SLC29A3: variants seen among roughly 807,000 people sequenced by gnomAD.
SLC29A3 encodes solute carrier family 29 member 3.
A neutral mutation model predicts 25.4 loss-of-function variants in SLC29A3; 18 were observed. The observed-to-expected ratio is 0.71, with a 90% CI of 0.49 to 1.05. The LOEUF (loss-of-function observed/expected upper bound fraction) is 1.05. Among genes scored for constraint, SLC29A3 ranks in the 50% least tolerant of loss-of-function variants. The pLI is 0.00. For synonymous variants in SLC29A3, 258 were observed against 267.1 expected (o/e 0.97, Z 0.33); for missense variants, 586 against 609.0 (o/e 0.96, Z 0.40).
intron 4 of SLC29A3, among the ~76,000 whole-genome samples, chr10:71,378,109 C>G (rs1300288205): frequency 6.7e-6 from 1 of 148,836 alleles, no homozygotes; most frequent in African/African-American, 2.5e-5. Context: ...GGGGGGGGTC[C>G]TCTTTTGGAA....
chr10:71,322,035 A>T (rs884681), intron 1 of SLC29A3, among the ~76,000 whole-genome samples: 67,197 of 152,062 alleles, frequency 0.44, 15,299 homozygotes, highest in African/African-American at 0.55. Flanking sequence ...GAATTTTTTT[A>T]AATTTACACT....
At chr10:71,336,063 G>A (rs1283704198) in intron 2 of SLC29A3, among the ~76,000 whole-genome samples, 1 of 152,178 alleles carries the variant, frequency 6.6e-6, no homozygotes, top group Non-Finnish European at 1.5e-5. Flanking sequence ...CCACAAACTG[G>A]GTAGCTGAAA....
intron 2 of SLC29A3, among the ~76,000 whole-genome samples, chr10:71,335,910 C>T (rs1054410380): frequency 1.3e-5 from 2 of 151,936 alleles, no homozygotes; most frequent in Non-Finnish European, 2.9e-5. Context: ...TCAGGGGGCA[C>T]CTTGGGATGG....
intron 2 of SLC29A3, among the ~76,000 whole-genome samples, chr10:71,332,871 AT>A (rs1228545512): frequency 1.3e-5 from 2 of 152,332 alleles, no homozygotes; most frequent in Non-Finnish European, 2.9e-5. Flanking sequence ...GCTGTCAGTC[AT>A]GCCTTTGGTG....
intron 2 of SLC29A3, among the ~76,000 whole-genome samples, chr10:71,332,745 A>G (rs1846150106): frequency 1.3e-5 from 2 of 152,222 alleles, no homozygotes; most frequent in African/African-American, 4.8e-5. Flanking sequence ...CTCTGATTCT[A>G]ACTGCGGGCC....
At chr10:71,333,557 C>T (rs921754431) in intron 2 of SLC29A3, among the ~76,000 whole-genome samples, 1 of 152,230 alleles carries the variant, frequency 6.6e-6, no homozygotes, top group African/African-American at 2.4e-5. Context: ...GCTGGAGCAC[C>T]CCCAGACCAC....
exon 5 of SLC29A3, chr10:71,380,964 T>A (rs1847298262): frequency 6.6e-6 from 1 of 152,210 alleles, no homozygotes; most frequent in Non-Finnish European, 1.5e-5. Flanking sequence ...TCCATATACC[T>A]ATCACCCAGC....
chr10:71,372,930 C>G (rs186477623), intron 3 of SLC29A3, among the ~76,000 whole-genome samples: 4 of 152,226 alleles, frequency 2.6e-5, no homozygotes, highest in Admixed American at 2.6e-4. Context: ...GGGGGCGAGA[C>G]AGTGAGGCTG....
chr10:71,337,397 G>A (rs1007759281), intron 2 of SLC29A3, among the ~76,000 whole-genome samples: 5 of 152,240 alleles, frequency 3.3e-5, no homozygotes, highest in African/African-American at 4.8e-5. Flanking sequence ...TCCGAAAGCG[G>A]CAAGTTTGCA....
At chr10:71,367,562 A>G (rs963164948), downstream of SLC29A3, among the ~76,000 whole-genome samples, 1 of 152,212 alleles carries the variant, frequency 6.6e-6, no homozygotes, top group East Asian at 1.9e-4. Context: ...CAGGCAACTC[A>G]GGGCACAGTG....
intron 3 of SLC29A3, among the ~76,000 whole-genome samples, chr10:71,372,855 C>T (rs1303782334): frequency 6.6e-6 from 1 of 152,172 alleles, no homozygotes; most frequent in Non-Finnish European, 1.5e-5. Context: ...TTGTGTCTTT[C>T]CCACCTGCTC....
chr10:71,369,476 T>C (rs1172014465), intron 3 of SLC29A3, among the ~76,000 whole-genome samples: 2 of 152,102 alleles, frequency 1.3e-5, no homozygotes, highest in Non-Finnish European at 2.9e-5. Flanking sequence ...TATGGAATGG[T>C]GAAGTAAAAA....
chr10:71,322,532 C>G (rs1845869259), intron 1 of SLC29A3, among the ~76,000 whole-genome samples: 1 of 152,186 alleles, frequency 6.6e-6, no homozygotes. Context: ...TTGGGGTGAC[C>G]TCTGAGGACA....
chr10:71,370,468 G>A (rs761104122), intron 3 of SLC29A3, among the ~76,000 whole-genome samples: 17 of 152,180 alleles, frequency 1.1e-4, no homozygotes, highest in African/African-American at 2.7e-4. Context: ...TTTAAGTTCC[G>A]GAGGCCCAAG....
intron 3 of SLC29A3, among the ~76,000 whole-genome samples, chr10:71,351,277 C>G (rs1322172950): frequency 1.3e-5 from 2 of 152,228 alleles, no homozygotes; most frequent in Non-Finnish European, 2.9e-5. Flanking sequence ...GGCACTGCCG[C>G]TTGCACCCCA....
chr10:71,362,269 G>A lies in SLC29A3; in HGVS notation c.1089G>A (p.Arg363=). Residue 363 remains arginine (R), a synonymous_variant, in exon 6 of 6, where the codon CGG becomes CGA. Coordinates refer to ENST00000373189, the MANE Select transcript of SLC29A3 (RefSeq NM_018344.6). The part of the protein sequence containing the change: ...LLYNFADLCG[R]QLTAWIQVPG... Reference sequence around the variant, plus strand: ...ACAACTTTGCTGACCTATGTGGCCGGCAGCTCACCGCCTGGATCCAGGTGC... The same window carrying A: ...ACAACTTTGCTGACCTATGTGGCCGACAGCTCACCGCCTGGATCCAGGTGC... 6.2e-7 allele frequency: 1 copy of A among 1,614,118 alleles called. No homozygotes were observed. The highest frequency in any genetic ancestry group is 8.5e-7 in the Non-Finnish European group (1 of 1,180,018).
intron 4 of SLC29A3, among the ~76,000 whole-genome samples, chr10:71,376,645 T>C (rs989823388): frequency 2.6e-5 from 4 of 152,184 alleles, no homozygotes; most frequent in Admixed American, 2.6e-4. Flanking sequence ...TATGACTAGC[T>C]ATAGAGTTTA....
intron 2 of SLC29A3, among the ~76,000 whole-genome samples, chr10:71,325,837 TAG>T (rs374852635): frequency 1.3e-4 from 19 of 151,862 alleles, no homozygotes; most frequent in African/African-American, 3.9e-4. Flanking sequence ...AAGGGCACAG[TAG>T]AGTTTGTGGT....
At chr10:71,339,578 G>C (rs1846342176) in intron 2 of SLC29A3, among the ~76,000 whole-genome samples, 1 of 152,094 alleles carries the variant, frequency 6.6e-6, no homozygotes, top group Non-Finnish European at 1.5e-5. Flanking sequence ...CAGCCCTCCT[G>C]TGGATGGGAT....
Sources: gnomAD v4.1 joint callset for allele counts (sites outside exome capture counted in the v4.1 genomes callset) on GRCh38, gnomAD v4.1.1 for gene constraint, MANE v1.5 for transcripts, NCBI Gene and HGNC (gene_info 2026-07-23, HGNC 2026-07-21) for gene names.